Variants in MIS18A observed in about 807,000 individuals in gnomAD.
The protein encoded by MIS18A is protein Mis18-alpha.
MIS18A carries 14 observed loss-of-function variants against 25.0 expected under a neutral mutation model. The ratio of observed to expected loss-of-function variants is 0.56; its 90% CI spans 0.37 to 0.88. The LOEUF (loss-of-function observed/expected upper bound fraction) is 0.88, where lower values mean the gene tolerates loss of function less well. Ranked by LOEUF, MIS18A falls within the 40% of genes least tolerant of loss-of-function variation. The probability of loss-of-function intolerance (pLI) is 0.00; values close to 1 mark genes in which losing one functional copy is unlikely to be tolerated. For missense variants in MIS18A, 292 were observed against 290.8 expected (o/e 1.00, Z -0.03); for synonymous variants, 134 against 118.6 (o/e 1.13, Z -0.84).
the MIS18A span, among the ~76,000 whole-genome samples, chr21:32,216,124 G>A: frequency 6.6e-6 from 1 of 152,082 alleles, no homozygotes; most frequent in Admixed American, 6.5e-5. Flanking sequence ...ATTAACCAAA[G>A]GCTTGCAACA....
downstream of MIS18A, among the ~76,000 whole-genome samples, chr21:32,266,775 TGAAGTCAGTGAGACCAA>T (rs2031614602): frequency 6.6e-6 from 1 of 152,154 alleles, no homozygotes; most frequent in South Asian, 2.1e-4. Flanking sequence ...GCTTCATTCT[TGAAGTCAGTGAGACCAA>T]GAACCCACCA....
the MIS18A span, among the ~76,000 whole-genome samples, chr21:32,256,506 T>C: frequency 2.0e-5 from 3 of 152,200 alleles, no homozygotes; most frequent in African/African-American, 4.8e-5. Flanking sequence ...ACACGTGTGC[T>C]GGTTTTCCCG....
At chr21:32,233,978 T>C in the MIS18A span, among the ~76,000 whole-genome samples, 2 of 152,284 alleles carry the variant, frequency 1.3e-5, no homozygotes, top group South Asian at 2.1e-4. Context: ...TCGGGAGATA[T>C]GACTACTAAA....
At chr21:32,255,709 G>A in the MIS18A span, among the ~76,000 whole-genome samples, 10 of 151,794 alleles carry the variant, frequency 6.6e-5, no homozygotes, top group Admixed American at 5.9e-4. Flanking sequence ...CTAACACGGT[G>A]AAACCCCATC....
chr21:32,233,576 C>G, the MIS18A span, among the ~76,000 whole-genome samples: 1 of 152,294 alleles, frequency 6.6e-6, no homozygotes, highest in East Asian at 1.9e-4. Flanking sequence ...CTCAGGTTTC[C>G]TCTCTACAAT....
the MIS18A span, among the ~76,000 whole-genome samples, chr21:32,197,502 T>C: frequency 1.3e-5 from 2 of 152,236 alleles, no homozygotes; most frequent in African/African-American, 2.4e-5. Context: ...ATGGATTCAA[T>C]ATTTCTGGTT....
chr21:32,231,955 C>T, the MIS18A span, among the ~76,000 whole-genome samples: 3 of 152,064 alleles, frequency 2.0e-5, no homozygotes, highest in African/African-American at 7.2e-5. Flanking sequence ...ACCATATGAC[C>T]CAGCAACCTC....
the MIS18A span, among the ~76,000 whole-genome samples, chr21:32,215,676 C>A: frequency 6.6e-6 from 1 of 152,164 alleles, no homozygotes; most frequent in Non-Finnish European, 1.5e-5. Flanking sequence ...GCCTTTCTTT[C>A]TTGCCCTCTT....
the MIS18A span, among the ~76,000 whole-genome samples, chr21:32,175,820 A>T: frequency 6.7e-6 from 1 of 149,578 alleles, no homozygotes; most frequent in Admixed American, 6.7e-5. Flanking sequence ...AAAAAAAACA[A>T]AAACAAAAAC....
the MIS18A span, among the ~76,000 whole-genome samples, chr21:32,206,823 A>G: frequency 6.6e-6 from 1 of 152,150 alleles, no homozygotes; most frequent in African/African-American, 2.4e-5. Context: ...GCCCAGCCAC[A>G]CTGCGGGCTG....
chr21:32,264,772 G>A, downstream of MIS18A, among the ~76,000 whole-genome samples: 1 of 152,108 alleles, frequency 6.6e-6, no homozygotes, highest in East Asian at 1.9e-4. Context: ...TCCCTCTCCT[G>A]GTCTTGAGCA....
intron 2 of MIS18A, among the ~76,000 whole-genome samples, chr21:32,273,095 T>G (rs1314382485): frequency 6.6e-6 from 1 of 151,892 alleles, no homozygotes; most frequent in Non-Finnish European, 1.5e-5. Flanking sequence ...TAATTTATCT[T>G]AAATGGAGAA....
chr21:32,213,665 G>C, the MIS18A span, among the ~76,000 whole-genome samples: 2 of 152,130 alleles, frequency 1.3e-5, no homozygotes, highest in Non-Finnish European at 2.9e-5. Context: ...GCTATAAACA[G>C]CATTATAAAG....
the MIS18A span, among the ~76,000 whole-genome samples, chr21:32,191,407 T>G: frequency 6.6e-6 from 1 of 151,408 alleles, no homozygotes; most frequent in Non-Finnish European, 1.5e-5. Context: ...CTGAGAAACA[T>G]AGCAAGACCC....
the MIS18A span, among the ~76,000 whole-genome samples, chr21:32,250,744 T>C: frequency 6.6e-6 from 1 of 152,214 alleles, no homozygotes; most frequent in Non-Finnish European, 1.5e-5. Flanking sequence ...CTCTCACCTA[T>C]TTCCCAGCAT....
chr21:32,221,604 G>T, the MIS18A span, among the ~76,000 whole-genome samples: 2 of 151,860 alleles, frequency 1.3e-5, no homozygotes, highest in Non-Finnish European at 2.9e-5. Flanking sequence ...AGTGGTCCAG[G>T]TGTGGTGGCT....
At chr21:32,200,832 G>C in the MIS18A span, among the ~76,000 whole-genome samples, 6 of 152,056 alleles carry the variant, frequency 3.9e-5, no homozygotes, top group African/African-American at 1.4e-4. Flanking sequence ...TCAGGTTACT[G>C]TACACTTAGA....
At chr21:32,228,887 G>A in the MIS18A span, among the ~76,000 whole-genome samples, 1 of 152,126 alleles carries the variant, frequency 6.6e-6, no homozygotes, top group South Asian at 2.1e-4. Context: ...GACACAATGT[G>A]TTCATAGATT....
chr21:32,179,860 C>G, the MIS18A span, among the ~76,000 whole-genome samples: 4 of 152,280 alleles, frequency 2.6e-5, no homozygotes, highest in Non-Finnish European at 4.4e-5. Context: ...TTGGGATGTT[C>G]TCATGAAACT....
Sources: allele counts gnomAD v4.1 joint callset (sites outside exome capture counted in the v4.1 genomes callset), GRCh38; gene constraint gnomAD v4.1.1; transcripts MANE v1.5; gene names NCBI Gene and HGNC (gene_info 2026-07-23, HGNC 2026-07-21).